The following ADSS2 variants were observed in gnomAD, a reference collection of about 807,000 sequenced individuals.
ADSS2 encodes the protein adenylosuccinate synthase 2.
A neutral mutation model predicts 60.0 loss-of-function variants in ADSS2; 30 were observed. That is an observed-to-expected ratio of 0.50 (90% confidence interval 0.37 to 0.68). The LOEUF (loss-of-function observed/expected upper bound fraction) is 0.68. Among genes scored for constraint, ADSS2 ranks in the 30% least tolerant of loss-of-function variants. ADSS2 has a pLI of 0.00. For synonymous variants in ADSS2, 187 were observed against 193.1 expected (o/e 0.97, Z 0.26); for missense variants, 373 against 554.8 (o/e 0.67, Z 3.29).
chr1:244,423,578 G>A (rs1346756267), intron 6 of ADSS2, among the ~76,000 whole-genome samples: 1 of 152,082 alleles, frequency 6.6e-6, no homozygotes, highest in Non-Finnish European at 1.5e-5. Flanking sequence ...ATTTCTGGGT[G>A]GGAGGACATA....
At chr1:244,410,973 C>T (rs1664399078) in intron 12 of ADSS2, among the ~76,000 whole-genome samples, 1 of 152,126 alleles carries the variant, frequency 6.6e-6, no homozygotes, top group Admixed American at 6.5e-5. Context: ...TGCCTGTAAT[C>T]CCAGCACTTT....
intron 1 of ADSS2, among the ~76,000 whole-genome samples, chr1:244,450,957 G>C (rs1665556755): frequency 6.6e-6 from 1 of 152,142 alleles, no homozygotes; most frequent in African/African-American, 2.4e-5. Context: ...ACTAGTAAAA[G>C]TAATTTCTCC....
intron 11 of ADSS2, 102 bp from the exon 12 acceptor site, chr1:244,411,538 G>A (rs1664418611): frequency 8.2e-7 from 1 of 1,215,658 alleles, no homozygotes; most frequent in Non-Finnish European, 1.1e-6. Flanking sequence ...AATCTTTGGA[G>A]CCACATATGT....
At chr1:244,426,902 G>A (rs556772153) in intron 4 of ADSS2, among the ~76,000 whole-genome samples, 3 of 152,058 alleles carry the variant, frequency 2.0e-5, no homozygotes, top group East Asian at 1.9e-4. Flanking sequence ...GATATGATTT[G>A]TTTTCACTAA....
chr1:244,438,828 C>T (rs917886089), intron 1 of ADSS2, among the ~76,000 whole-genome samples: 1 of 152,082 alleles, frequency 6.6e-6, no homozygotes, highest in African/African-American at 2.4e-5. Context: ...TTGATACAAG[C>T]ATATGAGTAA....
chr1:244,409,787 CTG>C (rs1664371328), intron 12 of ADSS2, 149 bp from the exon 13 acceptor site: 2 of 640,180 alleles, frequency 3.1e-6, no homozygotes, highest in Non-Finnish European at 5.6e-6. Flanking sequence ...TGTTAGCAGA[CTG>C]TGCCGATTTC....
intron 9 of ADSS2, among the ~76,000 whole-genome samples, chr1:244,418,045 G>A (rs928976353): frequency 6.6e-6 from 1 of 152,012 alleles, no homozygotes; most frequent in African/African-American, 2.4e-5. Context: ...TTAAATAGAC[G>A]AATCCAGCCA....
At position 244,434,446 on chromosome 1, in the gene ADSS2, C is replaced by T. The variant is rs150947042; in HGVS notation, c.356-1851G>A. Reference sequence around the variant, plus strand: ...TAAAGACAAATTGCTAAGCTGCAAACATTTCAAAACTAATCTTTAACAATG... The same window carrying T: ...TAAAGACAAATTGCTAAGCTGCAAATATTTCAAAACTAATCTTTAACAATG... On this transcript the variant is annotated intron_variant, in intron 3 of 12. Transcript: ENST00000366535. Among the ~76,000 whole-genome samples the T allele has an allele frequency of 3.2e-4, 48 of 151,776 alleles. 2 individuals are homozygous for T. The East Asian group carries it at 9.1e-3, about 29-fold the overall frequency.
chr1:244,421,042 TTACACTGCCAGGGCCAC>T (rs1368742279), intron 7 of ADSS2, among the ~76,000 whole-genome samples: 28 of 5,492 alleles, frequency 5.1e-3, no homozygotes, highest in African/African-American at 0.03. Flanking sequence ...GGGCCACGAG[TTACACTGCCAGGGCCAC>T]GAGTTACACT....
chr1:244,419,743 A>C (rs1388988464), intron 8 of ADSS2, among the ~76,000 whole-genome samples: 2 of 152,218 alleles, frequency 1.3e-5, no homozygotes, highest in Admixed American at 6.5e-5. Flanking sequence ...AATGCTCTGA[A>C]TTCAGAGTCT....
intron 1 of ADSS2, among the ~76,000 whole-genome samples, chr1:244,441,466 T>G (rs1665246266): frequency 1.3e-5 from 2 of 152,208 alleles, no homozygotes; most frequent in Non-Finnish European, 2.9e-5. Context: ...TTATAAAGTA[T>G]TTGGTAATTT....
At chr1:244,422,971 A>G in intron 6 of ADSS2, 55 bp from the exon 7 acceptor site, 1 of 1,163,914 alleles carries the variant, frequency 8.6e-7, no homozygotes, top group Non-Finnish European at 1.2e-6. Flanking sequence ...TATTTCAAAT[A>G]ATATCATTTC....
At chr1:244,439,061 G>A (rs959489432) in intron 1 of ADSS2, among the ~76,000 whole-genome samples, 3 of 151,732 alleles carry the variant, frequency 2.0e-5, no homozygotes, top group East Asian at 1.9e-4. Flanking sequence ...CTTTCCCAGC[G>A]TTTGGTAACC....
chr1:244,437,299 T>A (rs1665128533), intron 2 of ADSS2, among the ~76,000 whole-genome samples: 1 of 152,164 alleles, frequency 6.6e-6, no homozygotes, highest in Non-Finnish European at 1.5e-5. Flanking sequence ...TCATTTATTG[T>A]AAGGGTTCAA....
chr1:244,432,660 CTTTTTTTTTTTT>C (rs532312490), intron 3 of ADSS2, 65 bp from the exon 4 acceptor site: 9 of 384,946 alleles, frequency 2.3e-5, no homozygotes, highest in South Asian at 1.0e-4. Context: ...ATCTTAATTT[CTTTTTTTTTTTT>C]TTTTTTTTTG....
intron 3 of ADSS2, among the ~76,000 whole-genome samples, chr1:244,435,168 CAAAAAAAAAAA>C (rs60576167): frequency 1.3e-3 from 68 of 51,750 alleles, no homozygotes; most frequent in African/African-American, 4.7e-3. Flanking sequence ...ACTCCGTCTC[CAAAAAAAAAAA>C]AAAAAAAAAA....
At chr1:244,426,624 G>T (rs1408692263) in intron 4 of ADSS2, among the ~76,000 whole-genome samples, 1 of 152,076 alleles carries the variant, frequency 6.6e-6, no homozygotes, top group Non-Finnish European at 1.5e-5. Context: ...TTATAGTTAA[G>T]TTTTATTAAT....
chr1:244,437,677 G>A lies in ADSS2; in HGVS notation c.275C>T (p.Thr92Ile), dbSNP rs754059837. ...GTTTATATACTTACCAATGAATGCAGTGACATTTGGATTAATTATTCCACT... is the reference window on the plus strand; with the variant it reads ...GTTTATATACTTACCAATGAATGCAATGACATTTGGATTAATTATTCCACT... The part of the protein sequence containing the change: ...LPSGIINPNV[T>I]AFIGNGVVIH... Residue 92 changes from threonine to isoleucine, a missense_variant, in exon 2 of 13, where the codon ACT becomes ATT. Thr to Ile is a moderately conservative substitution (Grantham distance 89). This residue lies in a region of ADSS2 where 139 missense variants were observed against 189.4 expected (regional missense o/e 0.73). Transcript: ENST00000366535. 13 of 1,584,390 alleles carry A rather than the reference G, an allele frequency of 8.2e-6. No individual in the cohort carries two copies. Among genetic ancestry groups the A allele is most frequent in the African/African-American group, 6.7e-5 (5 of 74,188 alleles).
At chr1:244,427,402 T>C (rs1357415027) in intron 4 of ADSS2, among the ~76,000 whole-genome samples, 11 of 151,692 alleles carry the variant, frequency 7.3e-5, no homozygotes, top group Non-Finnish European at 1.3e-4. Context: ...AAATGTTCAA[T>C]CGAAAAGAAA....
Sources: allele counts gnomAD v4.1 joint callset (sites outside exome capture counted in the v4.1 genomes callset), GRCh38; gene constraint gnomAD v4.1.1; regional missense constraint gnomAD v4.1.1; transcripts MANE v1.5; gene names NCBI Gene and HGNC (gene_info 2026-07-23, HGNC 2026-07-21).